Variants in CMIP observed in about 807,000 individuals in gnomAD.
CMIP encodes c-Maf inducing protein.
In CMIP, 13 loss-of-function variants were observed where a neutral mutation model predicts 97.3. The observed-to-expected ratio is 0.13, with a 90% confidence interval of 0.09 to 0.21. CMIP has a LOEUF of 0.21. Ranked by LOEUF, CMIP falls within the 10% of genes least tolerant of loss-of-function variation. The pLI is 1.00. For missense variants in CMIP, 847 were observed against 1,024.9 expected (o/e 0.83, Z 2.37); for synonymous variants, 538 against 436.3 (o/e 1.23, Z -2.91).
At chr16:81,705,824 C>T (rs1468378638) in intron 19 of CMIP, among the ~76,000 whole-genome samples, 2 of 152,244 alleles carry the variant, frequency 1.3e-5, no homozygotes, top group African/African-American at 2.4e-5. Context: ...AGCTTATATT[C>T]TAGAGGCAAT....
intron 1 of CMIP, among the ~76,000 whole-genome samples, chr16:81,462,901 G>C (rs1384470820): frequency 6.6e-6 from 1 of 152,216 alleles, no homozygotes; most frequent in African/African-American, 2.4e-5. Flanking sequence ...GAGGGACAGA[G>C]TGACCACAAA....
chr16:81,589,132 G>A (rs2091428175), intron 1 of CMIP, among the ~76,000 whole-genome samples: 2 of 151,404 alleles, frequency 1.3e-5, no homozygotes, highest in Non-Finnish European at 2.9e-5. Flanking sequence ...GTCACCCTGT[G>A]GTCCAGGCTG....
chr16:81,636,671 G>C (rs1199053078), intron 3 of CMIP, among the ~76,000 whole-genome samples: 1 of 150,864 alleles, frequency 6.6e-6, no homozygotes, highest in East Asian at 1.9e-4. Flanking sequence ...TCCAATTTCT[G>C]AAATCTTTGG....
At chr16:81,638,607 CT>C (rs374897339) in intron 3 of CMIP, among the ~76,000 whole-genome samples, 24 of 152,222 alleles carry the variant, frequency 1.6e-4, no homozygotes, top group Admixed American at 2.6e-4. Context: ...CCTCTCCCCC[CT>C]CTCCCTTCTC....
At chr16:81,642,298 A>G (rs1301859414) in intron 3 of CMIP, among the ~76,000 whole-genome samples, 1 of 152,144 alleles carries the variant, frequency 6.6e-6, no homozygotes, top group Non-Finnish European at 1.5e-5. Flanking sequence ...TCATCTCTGT[A>G]TCATTTCCCC....
intron 1 of CMIP, chr16:81,464,230 T>A (rs9934846): frequency 2.0e-5 from 3 of 152,172 alleles, no homozygotes; most frequent in Non-Finnish European, 4.4e-5. Flanking sequence ...CAGTGAGAGG[T>A]GGCTGGCTAA....
In CMIP at chr16:81,627,018, C is replaced by T. The variant is rs1486892589; in HGVS notation, c.477+6092C>T. Among the ~76,000 whole-genome samples the T allele has an allele frequency of 7.1e-6, 1 of 140,470 alleles. No individual in the cohort carries two copies. The highest frequency in any genetic ancestry group is 1.5e-5 in the Non-Finnish European group (1 of 65,824). The allele number at this position is 140,470 out of a possible 152,430, so 92.2% of individuals were successfully genotyped here. On this transcript the variant is annotated intron_variant, in intron 3 of 20. Transcript: ENST00000537098. This position sits in a 1 kb window ranked among gnomAD's most constrained non-coding sequence, Gnocchi z 4.6. Reference sequence around the variant, plus strand: ...TGTGTGTGTGTGGCCTGTAGGGTGACTGTTTTATGAGTATGTGTGCATGGC... The same window carrying T: ...TGTGTGTGTGTGGCCTGTAGGGTGATTGTTTTATGAGTATGTGTGCATGGC...
intron 3 of CMIP, among the ~76,000 whole-genome samples, chr16:81,624,936 A>C (rs920730519): frequency 2.6e-5 from 4 of 152,128 alleles, no homozygotes; most frequent in Non-Finnish European, 1.5e-5. Flanking sequence ...TGTAGCTCCC[A>C]TGTTGGAGGA....
At chr16:81,476,187 C>G in intron 1 of CMIP, 1 of 1,273,986 alleles carries the variant, frequency 7.8e-7, no homozygotes, top group Non-Finnish European at 1.1e-6. Flanking sequence ...GTGTGGAAAA[C>G]TGGGAACCGT....
intron 1 of CMIP, among the ~76,000 whole-genome samples, chr16:81,478,218 G>C (rs774243046): frequency 6.6e-6 from 1 of 152,122 alleles, no homozygotes; most frequent in Non-Finnish European, 1.5e-5. Context: ...TCAAGCTTCC[G>C]GAACAGGCCA....
At chr16:81,580,299 T>C (rs1378587533) in intron 1 of CMIP, among the ~76,000 whole-genome samples, 1 of 152,190 alleles carries the variant, frequency 6.6e-6, no homozygotes, top group Non-Finnish European at 1.5e-5. Context: ...CTGGAGCCTG[T>C]TTGTGACATG....
At chr16:81,610,377 G>C in intron 2 of CMIP, 2 of 985,650 alleles carry the variant, frequency 2.0e-6, no homozygotes, top group Non-Finnish European at 2.4e-6. Flanking sequence ...ACTGCCCCCT[G>C]ATCCCGTGGA....
At chr16:81,479,571 G>A (rs2150754923) in intron 1 of CMIP, among the ~76,000 whole-genome samples, 1 of 151,884 alleles carries the variant, frequency 6.6e-6, no homozygotes, top group Non-Finnish European at 1.5e-5. Flanking sequence ...ACTCCTTTAG[G>A]GACCACATAT....
intron 1 of CMIP, among the ~76,000 whole-genome samples, chr16:81,506,652 T>C (rs2150785236): frequency 6.6e-6 from 1 of 152,362 alleles, no homozygotes; most frequent in Admixed American, 6.5e-5. Flanking sequence ...GGCTCACTCA[T>C]GCCTGTAATC....
intron 10 of CMIP, 102 bp from the exon 11 acceptor site, chr16:81,691,673 G>C: frequency 1.1e-6 from 1 of 873,786 alleles, no homozygotes. Context: ...CTGACTACCT[G>C]CCAGGCTCTC....
chr16:81,465,662 C>T (rs1337427609), intron 1 of CMIP, among the ~76,000 whole-genome samples: 1 of 152,274 alleles, frequency 6.6e-6, no homozygotes, highest in African/African-American at 2.4e-5. Flanking sequence ...GGGCCTGGCT[C>T]AGCTGAACCG....
chr16:81,687,368 T>C (rs148021317), intron 10 of CMIP, among the ~76,000 whole-genome samples: 3 of 152,158 alleles, frequency 2.0e-5, no homozygotes, highest in African/African-American at 7.2e-5. Context: ...CACCCCTCAC[T>C]TTATGTGTCA....
At chr16:81,534,795 T>C (rs1434550458) in intron 1 of CMIP, among the ~76,000 whole-genome samples, 1 of 152,236 alleles carries the variant, frequency 6.6e-6, no homozygotes, top group Non-Finnish European at 1.5e-5. Flanking sequence ...ATTCACTCAA[T>C]AGTGTGCCCT....
intron 10 of CMIP, among the ~76,000 whole-genome samples, chr16:81,679,867 T>A (rs553198598): frequency 6.6e-6 from 1 of 152,292 alleles, no homozygotes; most frequent in African/African-American, 2.4e-5. Context: ...AGGGATCTCA[T>A]TGACTGTTCC....
Sources: allele counts gnomAD v4.1 joint callset (sites outside exome capture counted in the v4.1 genomes callset), GRCh38; gene constraint gnomAD v4.1.1; non-coding constraint Gnocchi (gnomAD v3.1); transcripts MANE v1.5; gene names NCBI Gene and HGNC (gene_info 2026-07-23, HGNC 2026-07-21).